FMNL2: variants seen among roughly 807,000 people sequenced by gnomAD.
FMNL2 encodes formin like 2, also known as formin-like protein 2.
Under a neutral mutation model 130.2 loss-of-function variants are expected in FMNL2, and 51 were observed. That is an observed-to-expected ratio of 0.39 (90% CI 0.31 to 0.49). FMNL2 has a LOEUF of 0.49. Among genes scored for constraint, FMNL2 ranks in the 20% least tolerant of loss-of-function variants. The pLI is 0.85. For synonymous variants in FMNL2, 465 were observed against 467.1 expected (o/e 1.00, Z 0.06); for missense variants, 977 against 1,316.2 (o/e 0.74, Z 3.99).
chr2:152,354,655 A>G (rs958235742), intron 1 of FMNL2, among the ~76,000 whole-genome samples: 8 of 152,244 alleles, frequency 5.3e-5, no homozygotes, highest in African/African-American at 1.4e-4. Context: ...AGAATTTTCT[A>G]AAGATGCACA....
intron 1 of FMNL2, among the ~76,000 whole-genome samples, chr2:152,443,849 GA>G (rs57004068): frequency 6.6e-6 from 1 of 150,932 alleles, no homozygotes; most frequent in South Asian, 2.1e-4. Context: ...CATCCAAAAA[GA>G]AAAAAAGAAA....
intron 3 of FMNL2, among the ~76,000 whole-genome samples, chr2:152,543,213 AT>A (rs1694408423): frequency 6.6e-6 from 1 of 152,192 alleles, no homozygotes; most frequent in South Asian, 2.1e-4. Context: ...GGCCTTTGTC[AT>A]CCCAGCTGTG....
At chr2:152,421,206 A>G (rs889031450) in intron 1 of FMNL2, among the ~76,000 whole-genome samples, 1 of 152,198 alleles carries the variant, frequency 6.6e-6, no homozygotes, top group African/African-American at 2.4e-5. Flanking sequence ...AGTCAGTGGA[A>G]TGAATGACTT....
At chr2:152,542,894 C>A in intron 3 of FMNL2, 75 bp downstream of exon 3, 1 of 1,491,716 alleles carries the variant, frequency 6.7e-7, no homozygotes, top group Non-Finnish European at 9.3e-7. Flanking sequence ...TTGGAAGAGA[C>A]CTTCCTTCCT....
chr2:152,530,291 A>G (rs923724872), intron 2 of FMNL2, among the ~76,000 whole-genome samples: 1 of 152,202 alleles, frequency 6.6e-6, no homozygotes, highest in Admixed American at 6.5e-5. Context: ...ACCTTATGTC[A>G]TTTTAACATT....
At position 152,629,253 on chromosome 2, in the gene FMNL2, CT is replaced by C. The variant is rs554649727; in HGVS notation, c.2401-395del. Among the ~76,000 whole-genome samples, 280 of 151,822 alleles carry C rather than the reference CT, an allele frequency of 1.8e-3. 2 individuals are homozygous for C. Among genetic ancestry groups the C allele is most frequent in the African/African-American group, 6.4e-3 (264 of 41,392 alleles). ...TCTGGAGGGTGTTATATTCCCCTCC[CT>C]TTTTTTTCATTTTTGATGCCTCCTT... On this transcript the variant is annotated intron_variant, in intron 18 of 25. Coordinates refer to ENST00000288670, the MANE Select transcript of FMNL2 (RefSeq NM_052905.4).
intron 1 of FMNL2, among the ~76,000 whole-genome samples, chr2:152,514,848 A>G (rs141268481): frequency 4.1e-4 from 62 of 152,326 alleles, no homozygotes; most frequent in African/African-American, 1.3e-3. Flanking sequence ...GCGAAATAAC[A>G]GAAAGCAAAA....
intron 9 of FMNL2, among the ~76,000 whole-genome samples, chr2:152,588,432 T>C (rs762030438): frequency 1.3e-5 from 2 of 152,140 alleles, no homozygotes; most frequent in African/African-American, 2.4e-5. Context: ...CCTCCTGAAG[T>C]CCCTTAATTT....
At chr2:152,429,957 G>A (rs1359224327) in intron 1 of FMNL2, among the ~76,000 whole-genome samples, 3 of 152,134 alleles carry the variant, frequency 2.0e-5, no homozygotes, top group Non-Finnish European at 4.4e-5. Flanking sequence ...TGTGGCATAG[G>A]TGATGGGTTG....
intron 6 of FMNL2, among the ~76,000 whole-genome samples, chr2:152,566,351 A>G (rs1228461471): frequency 6.6e-6 from 1 of 152,194 alleles, no homozygotes; most frequent in Admixed American, 6.5e-5. Context: ...TGTGGCAGCC[A>G]CTGTACTAAG....
chr2:152,580,955 G>A lies in FMNL2; in HGVS notation c.783-1G>A. 1 of 1,612,692 alleles carries A rather than the reference G, an allele frequency of 6.2e-7. No homozygotes were observed. Among genetic ancestry groups the A allele is most frequent in the Non-Finnish European group, 8.5e-7 (1 of 1,179,518 alleles). On this transcript the variant is annotated splice_acceptor_variant, in intron 8 of 25. Coordinates refer to ENST00000288670, the MANE Select transcript of FMNL2 (RefSeq NM_052905.4). LOFTEE classifies it high-confidence loss of function. ...TGTTTTTCTTCTTCTTGTTTTGGCAGAACAAAAGCCCTTGTCTTAGAACTG... is the reference window on the plus strand; with the variant it reads ...TGTTTTTCTTCTTCTTGTTTTGGCAAAACAAAAGCCCTTGTCTTAGAACTG...
At chr2:152,434,530 A>G (rs1207830414) in intron 1 of FMNL2, among the ~76,000 whole-genome samples, 1 of 152,172 alleles carries the variant, frequency 6.6e-6, no homozygotes, top group Non-Finnish European at 1.5e-5. Context: ...GCTGGATCCC[A>G]GCTGGCCCCT....
intron 2 of FMNL2, among the ~76,000 whole-genome samples, chr2:152,535,122 T>G (rs1693927088): frequency 6.6e-6 from 1 of 152,212 alleles, no homozygotes; most frequent in African/African-American, 2.4e-5. Context: ...CTGTCCTGTA[T>G]TCCTAACCTA....
chr2:152,617,677 C>T (rs1699028632), intron 13 of FMNL2, among the ~76,000 whole-genome samples: 1 of 152,164 alleles, frequency 6.6e-6, no homozygotes, highest in East Asian at 1.9e-4. Flanking sequence ...ATGTGCAAAG[C>T]AAACCCAATC....
At chr2:152,377,972 C>T (rs762214952) in intron 1 of FMNL2, among the ~76,000 whole-genome samples, 1 of 152,006 alleles carries the variant, frequency 6.6e-6, no homozygotes, top group Non-Finnish European at 1.5e-5. Context: ...ATTAGCCAGG[C>T]ATGGTGGCAC....
chr2:152,513,377 C>T (rs114129423), intron 1 of FMNL2, among the ~76,000 whole-genome samples: 1,886 of 152,252 alleles, frequency 0.012, 22 homozygotes, highest in Middle Eastern at 0.044. Flanking sequence ...CTAGAGTCAC[C>T]ATGCTGTACA....
chr2:152,548,946 A>T, intron 3 of FMNL2, 75 bp from the exon 4 acceptor site: 1 of 1,174,794 alleles, frequency 8.5e-7, no homozygotes, highest in Non-Finnish European at 1.2e-6. Flanking sequence ...ATATTGTGTT[A>T]AATTTATTAT....
intron 22 of FMNL2, among the ~76,000 whole-genome samples, chr2:152,637,256 T>C (rs1432341817): frequency 6.6e-6 from 1 of 152,224 alleles, no homozygotes; most frequent in East Asian, 1.9e-4. Flanking sequence ...TGGAAACTCC[T>C]GTAAGAAAGA....
intron 2 of FMNL2, among the ~76,000 whole-genome samples, chr2:152,537,927 G>T (rs964206191): frequency 2.0e-5 from 3 of 152,096 alleles, no homozygotes; most frequent in Admixed American, 6.6e-5. Context: ...TTTCAGGTAA[G>T]TCATTTAATC....
Sources: allele counts gnomAD v4.1 joint callset (sites outside exome capture counted in the v4.1 genomes callset), GRCh38; gene constraint gnomAD v4.1.1; transcripts MANE v1.5; gene names NCBI Gene and HGNC (gene_info 2026-07-23, HGNC 2026-07-21).